Variants in MACROD1 observed in about 807,000 individuals in gnomAD.
MACROD1 encodes mono-ADP ribosylhydrolase 1.
MACROD1 carries 31 observed loss-of-function variants against 41.4 expected under a neutral mutation model. That is an observed-to-expected ratio of 0.75 (90% CI 0.56 to 1.01). MACROD1 has a LOEUF of 1.01. Among genes scored for constraint, MACROD1 ranks in the 50% least tolerant of loss-of-function variants. MACROD1 has a pLI of 0.00. For synonymous variants in MACROD1, 252 were observed against 203.4 expected, an observed-to-expected ratio of 1.24 and a Z score of -2.03; for missense variants, 473 against 460.0, an observed-to-expected ratio of 1.03 and a Z score of -0.26.
intron 3 of MACROD1, among the ~76,000 whole-genome samples, chr11:64,076,977 G>A (rs985145071): frequency 9.9e-5 from 15 of 152,172 alleles, no homozygotes; most frequent in African/African-American, 3.6e-4. Context: ...CCTAAAAATA[G>A]GGCTGAGTGA....
At chr11:64,161,161 A>T (rs1245847294) in intron 1 of MACROD1, among the ~76,000 whole-genome samples, 1 of 152,080 alleles carries the variant, frequency 6.6e-6, no homozygotes, top group African/African-American at 2.4e-5. Flanking sequence ...ACAGAGCAAG[A>T]CTCCATCTCA....
chr11:64,106,481 A>C (rs1307246466), intron 3 of MACROD1, among the ~76,000 whole-genome samples: 1 of 152,206 alleles, frequency 6.6e-6, no homozygotes, highest in African/African-American at 2.4e-5. Context: ...AGGAGTTTAC[A>C]TTCTAAGGGG....
chr11:64,165,531 G>T (rs557528866), intron 1 of MACROD1, among the ~76,000 whole-genome samples, 166 bp downstream of exon 1: 1 of 151,578 alleles, frequency 6.6e-6, no homozygotes, highest in Admixed American at 6.6e-5. Flanking sequence ...CGCGGGGGCG[G>T]GGGGGGCTGT....
rs75058904 is a variant in MACROD1 at position 64,021,484 on chromosome 11, C to T, written c.518-6203G>A. On this transcript the variant is annotated intron_variant, in intron 3 of 10. Coordinates refer to ENST00000255681, the MANE Select transcript of MACROD1 (RefSeq NM_014067.4). ...AGGAGACGCAGTGACCCAAGGAAAG[C>T]GCTGAGCAGGTTCCTGGGCCAGGGA... 5.8e-3 allele frequency among the ~76,000 whole-genome samples: 880 copies of T among 152,320 alleles called. 7 individuals are homozygous for T. Among genetic ancestry groups the T allele is most frequent in the African/African-American group, 0.02 (846 of 41,578 alleles).
rs533082861 is a variant in MACROD1, at chr11:64,150,796, G to C, written c.517+443C>G. 9.8e-5 allele frequency among the ~76,000 whole-genome samples: 15 copies of C among 152,346 alleles called. No individual in the cohort carries two copies. The East Asian group carries it at 2.5e-3, about 25-fold the overall frequency. Reference sequence around the variant, plus strand: ...GTTTCTAGGCTCTGGAAAGCTGCCAGGGCATGGCAGGGGACCTCTCTGCCC... The same window carrying C: ...GTTTCTAGGCTCTGGAAAGCTGCCACGGCATGGCAGGGGACCTCTCTGCCC... On this transcript the variant is annotated intron_variant, in intron 3 of 10. Transcript: ENST00000255681.
intron 3 of MACROD1, among the ~76,000 whole-genome samples, chr11:64,087,374 G>A (rs938181259): frequency 6.6e-6 from 1 of 152,232 alleles, no homozygotes; most frequent in Non-Finnish European, 1.5e-5. Flanking sequence ...TGCCACGGCT[G>A]TAGCCCTGAC....
intron 3 of MACROD1, among the ~76,000 whole-genome samples, chr11:64,043,284 C>T (rs757654767): frequency 6.6e-6 from 1 of 152,158 alleles, no homozygotes; most frequent in Non-Finnish European, 1.5e-5. Context: ...GCTCGGGGCT[C>T]TGAGGAGCTC....
intron 3 of MACROD1, among the ~76,000 whole-genome samples, chr11:64,072,573 T>G (rs1167626866): frequency 6.6e-6 from 1 of 152,254 alleles, no homozygotes; most frequent in Non-Finnish European, 1.5e-5. Flanking sequence ...TCCTGACGTG[T>G]GGCCTTGGCC....
chr11:64,000,094 C>T (rs1425565097), intron 5 of MACROD1, 133 bp downstream of exon 5: 2 of 700,440 alleles, frequency 2.9e-6, no homozygotes, highest in East Asian at 5.5e-5. Context: ...GGGGCCGGGT[C>T]TTGGCCCTTA....
intron 1 of MACROD1, among the ~76,000 whole-genome samples, chr11:64,162,925 CCTGA>C (rs755737131): frequency 2.0e-5 from 3 of 152,126 alleles, no homozygotes; most frequent in Non-Finnish European, 2.9e-5. Context: ...TCAAGACCAT[CCTGA>C]CTAACACGAT....
In MACROD1 at chr11:64,027,489, C is replaced by T. The variant is rs141784470; in HGVS notation, c.518-12208G>A. ...TGGAGATGGGACTGGATCAAGGATG[C>T]GATTGGCTCAGAACTGGCTCAATCC... On this transcript the variant is annotated intron_variant, in intron 3 of 10. Transcript: ENST00000255681. 9.5e-4 allele frequency among the ~76,000 whole-genome samples: 144 copies of T among 152,220 alleles called. 1 individual carries two copies. The Middle Eastern group carries it at 0.034, about 36-fold the overall frequency.
intron 3 of MACROD1, among the ~76,000 whole-genome samples, chr11:64,109,639 G>A (rs142924439): frequency 3.9e-4 from 59 of 152,206 alleles, no homozygotes; most frequent in African/African-American, 1.0e-3. Context: ...TTACCTCCCC[G>A]GACTCCTCCA....
chr11:64,048,642 TG>T (rs1943631666), intron 3 of MACROD1, among the ~76,000 whole-genome samples: 1 of 152,202 alleles, frequency 6.6e-6, no homozygotes, highest in Admixed American at 6.5e-5. Flanking sequence ...AAGCACTTTA[TG>T]CGTCATCACC....
At chr11:64,097,717 C>T (rs1056471552) in intron 3 of MACROD1, among the ~76,000 whole-genome samples, 8 of 152,226 alleles carry the variant, frequency 5.3e-5, no homozygotes, top group Admixed American at 2.6e-4. Context: ...TGCCATGCAG[C>T]GGTGCCAAGC....
At chr11:64,023,828 C>G (rs1301604068) in intron 3 of MACROD1, among the ~76,000 whole-genome samples, 1 of 152,234 alleles carries the variant, frequency 6.6e-6, no homozygotes, top group Non-Finnish European at 1.5e-5. Flanking sequence ...CTAATCGAGG[C>G]ATCCCACCCC....
At chr11:64,150,834 G>A (rs1022797289) in intron 3 of MACROD1, among the ~76,000 whole-genome samples, 3 of 152,148 alleles carry the variant, frequency 2.0e-5, no homozygotes, top group Non-Finnish European at 4.4e-5. Context: ...ACTATCCCTC[G>A]ACAAGCTCCC....
intron 3 of MACROD1, among the ~76,000 whole-genome samples, chr11:64,114,497 A>G (rs1025192047): frequency 1.3e-5 from 2 of 149,410 alleles, no homozygotes; most frequent in African/African-American, 2.5e-5. Context: ...GAATGGATGG[A>G]TGGATGGATG....
intron 3 of MACROD1, among the ~76,000 whole-genome samples, chr11:64,102,298 C>T (rs1346260091): frequency 1.3e-5 from 2 of 152,196 alleles, no homozygotes; most frequent in Non-Finnish European, 2.9e-5. Flanking sequence ...GTTTTGGATT[C>T]CAGAACAGCC....
rs1214107296 is a variant in MACROD1, at chr11:64,017,895, G to C, written c.518-2614C>G. 2.0e-5 allele frequency among the ~76,000 whole-genome samples: 3 copies of C among 152,380 alleles called. No homozygotes were observed. The East Asian group carries it at 5.8e-4, about 29-fold the overall frequency. On this transcript the variant is annotated intron_variant, in intron 3 of 10. Coordinates refer to ENST00000255681, the MANE Select transcript of MACROD1 (RefSeq NM_014067.4). ...GGCAGCGAGCCTCGAAGGGGTGGTA[G>C]GGGAGGGTTGCTGACCTGCTGTTCT...
Sources: allele counts gnomAD v4.1 joint callset (sites outside exome capture counted in the v4.1 genomes callset), GRCh38; gene constraint gnomAD v4.1.1; transcripts MANE v1.5; gene names NCBI Gene and HGNC (gene_info 2026-07-23, HGNC 2026-07-21).